The following TCTN1 variants were observed in gnomAD, a reference collection of about 807,000 sequenced individuals.
TCTN1 encodes tectonic family member 1.
A neutral mutation model predicts 65.8 loss-of-function variants in TCTN1; 58 were observed. The observed-to-expected ratio is 0.88, with a 90% CI of 0.71 to 1.10. The LOEUF (loss-of-function observed/expected upper bound fraction) is 1.10. TCTN1 is among the 50% of genes least tolerant of loss of function. The probability of loss-of-function intolerance (pLI) is 0.00; values close to 1 mark genes in which losing one functional copy is unlikely to be tolerated. For missense variants in TCTN1, 645 were observed against 719.4 expected (o/e 0.90, Z 1.18); for synonymous variants, 273 against 289.1 (o/e 0.94, Z 0.57).
Position 110,639,874 on chromosome 12 carries a change from C to T in TCTN1, c.844-509C>T, listed in dbSNP as rs989551269. ...TGGCAACCACCGATCTACTTTTCGTCTCTATGGGTTTGCCTATTTGGACAT... is the reference window on the plus strand; with the variant it reads ...TGGCAACCACCGATCTACTTTTCGTTTCTATGGGTTTGCCTATTTGGACAT... On this transcript the variant is annotated intron_variant, in intron 7 of 14. Coordinates refer to ENST00000397659, the MANE Select transcript of TCTN1 (RefSeq NM_001082538.3). The surrounding 1 kb of genome is among the most constrained non-coding windows in gnomAD (Gnocchi z 4.9). Among the ~76,000 whole-genome samples the T allele has an allele frequency of 6.6e-6, 1 of 152,190 alleles. No individual in the cohort carries two copies. The highest frequency in any genetic ancestry group is 2.4e-5 in the African/African-American group (1 of 41,440).
chr12:110,627,736 A>T (rs1424962876), intron 3 of TCTN1: 2 of 454,504 alleles, frequency 4.4e-6, no homozygotes, highest in African/African-American at 4.0e-5. Flanking sequence ...GAATATTTGC[A>T]TGAAAACAGG....
Position 110,647,335 on chromosome 12 carries a change from A to C in TCTN1, c.1634A>C (p.Glu545Ala), listed in dbSNP as rs1197249213. Residue 545 changes from glutamate to alanine, a missense_variant and splice_region_variant, in exon 13 of 15, where the codon GAG (glutamate) becomes GCG (alanine). Transcript: ENST00000397659. ...TANLISSSFP[E>A]ANSGNERTIL... ...AATCTAATTTCATCCTCCTTTCCTG[A>C]GGTAGGCCTAACCTAGTTTAAAGGC... 1 of 1,614,046 alleles carries C rather than the reference A, an allele frequency of 6.2e-7. No individual in the cohort carries two copies. The highest frequency in any genetic ancestry group is 1.3e-5 in the African/African-American group (1 of 74,924).
rs2065292249 is a variant in TCTN1 at position 110,619,843 on chromosome 12, T to G, written c.228T>G (p.Val76=). The G allele has an allele frequency of 6.2e-7, 1 of 1,614,148 alleles. No individual in the cohort carries two copies. Among genetic ancestry groups the G allele is most frequent in the Non-Finnish European group, 8.5e-7 (1 of 1,180,028 alleles). ...PRPTPVTDVA[V]LCVCDLSPAQ... ...CCCCTCTTTTTTCTGCAGTTGCTGTTCTCTGTGTCTGTGACTTATCCCCAG... is the reference window on the plus strand; with the variant it reads ...CCCCTCTTTTTTCTGCAGTTGCTGTGCTCTGTGTCTGTGACTTATCCCCAG... The change falls in exon 2 of 15, where the codon GTT becomes GTG. Residue 76 remains valine (V), a synonymous_variant. Transcript: ENST00000397659.
intron 5 of TCTN1, 36 bp downstream of exon 5, chr12:110,632,595 T>A (rs780313300): frequency 6.2e-7 from 1 of 1,606,234 alleles, no homozygotes; most frequent in South Asian, 1.1e-5. Context: ...CTTAGACATT[T>A]GCTGTTATTA....
intron 7 of TCTN1, among the ~76,000 whole-genome samples, chr12:110,637,684 AC>A (rs1565994324): frequency 1.3e-5 from 2 of 152,072 alleles, no homozygotes; most frequent in Admixed American, 1.3e-4. Context: ...CCAGTGAAGA[AC>A]CCTAGGGCTC....
At chr12:110,619,754 C>T in intron 1 of TCTN1, 82 bp from the exon 2 acceptor site, 1 of 1,602,084 alleles carries the variant, frequency 6.2e-7, no homozygotes, top group Non-Finnish European at 8.5e-7. Context: ...ATGAAATTGA[C>T]TTATGGTACA....
At chr12:110,623,437 G>A (rs1052595802) in intron 2 of TCTN1, among the ~76,000 whole-genome samples, 2 of 152,188 alleles carry the variant, frequency 1.3e-5, no homozygotes, top group Non-Finnish European at 2.9e-5. Flanking sequence ...TTACTACAGT[G>A]TTGGTGAGAA....
Position 110,640,345 on chromosome 12 carries a change from G to T in TCTN1, c.844-38G>T. On this transcript the variant is annotated intron_variant, in intron 7 of 14. Coordinates refer to ENST00000397659, the MANE Select transcript of TCTN1 (RefSeq NM_001082538.3). The surrounding 1 kb of genome is among the most constrained non-coding windows in gnomAD (Gnocchi z 4.9). ...GGTTATTTTAGCCCATCCTCCCTGG[G>T]TAGAGCATCTTCAACACTCCAGGTC... 2.5e-6 allele frequency: 4 copies of T among 1,613,828 alleles called. No individual in the cohort carries two copies. The highest frequency in any genetic ancestry group is 1.7e-6 in the Non-Finnish European group (2 of 1,179,828).
At chr12:110,641,397 A>G in intron 9 of TCTN1, 145 bp from the exon 10 acceptor site, 1 of 894,298 alleles carries the variant, frequency 1.1e-6, no homozygotes, top group Non-Finnish European at 1.8e-6. Context: ...CACCTGGCAG[A>G]TGTATTTATA....
At chr12:110,616,376 C>T (rs1291477291) in intron 1 of TCTN1, 11 of 343,126 alleles carry the variant, frequency 3.2e-5, no homozygotes, top group Middle Eastern at 7.8e-4. Flanking sequence ...CTCAGACTCC[C>T]GGGTAGCTGG....
chr12:110,645,276 CT>C, intron 12 of TCTN1, 147 bp downstream of exon 12: 1 of 1,063,250 alleles, frequency 9.4e-7, no homozygotes, highest in African/African-American at 1.6e-5. Flanking sequence ...ATTTTTGCCC[CT>C]TGTTAGCAAT....
At chr12:110,633,681 C>T (rs1565985587) in intron 5 of TCTN1, among the ~76,000 whole-genome samples, 1 of 151,704 alleles carries the variant, frequency 6.6e-6, no homozygotes, top group Non-Finnish European at 1.5e-5. Context: ...AACTCCCCCT[C>T]CCCCACAACA....
Position 110,614,213 on chromosome 12 carries a change from G to T in TCTN1, c.31G>T (p.Val11Leu). The part of the protein sequence containing the change: MRPRGLPPLL[V>L]VLLGCWASVS... ...GCCGCGAGGTCTCCCGCCGCTCCTG[G>T]TGGTGCTCCTGGGCTGCTGGGCCTC... The change falls in exon 1 of 15, where the codon GTG becomes TTG. Residue 11 changes from valine (V) to leucine (L), a missense_variant. Coordinates refer to ENST00000397659, the MANE Select transcript of TCTN1 (RefSeq NM_001082538.3). The T allele has an allele frequency of 1.3e-6, 2 of 1,582,128 alleles. No homozygotes were observed. The highest frequency in any genetic ancestry group is 1.7e-6 in the Non-Finnish European group (2 of 1,165,062).
chr12:110,647,595 C>T, intron 13 of TCTN1, 154 bp from the exon 14 acceptor site: 1 of 1,219,466 alleles, frequency 8.2e-7, no homozygotes, highest in South Asian at 1.3e-5. Context: ...AAAATTGTTT[C>T]TCTCATCCAA....
In TCTN1 at chr12:110,642,309, T is replaced by C; in HGVS notation, c.1251T>C (p.Thr417=). Reference sequence around the variant, plus strand: ...AGCTTACTATTCTTCATAGCACAACTGAGCAAGACTGCTTAGCACTGGAGG... The same window carrying C: ...AGCTTACTATTCTTCATAGCACAACCGAGCAAGACTGCTTAGCACTGGAGG... ...YGQLTILHST[T]EQDCLALEGV... is the part of the protein sequence containing the mutation. The change falls in exon 11 of 15, where the codon ACT becomes ACC. Residue 417 remains threonine, a synonymous_variant. Transcript: ENST00000397659. 1.9e-6 allele frequency: 3 copies of C among 1,614,208 alleles called. No homozygotes were observed. The South Asian group carries it at 3.3e-5, about 18-fold the overall frequency.
chr12:110,640,483 G>T lies in TCTN1; in HGVS notation c.944G>T (p.Gly315Val). ...DVLQPTLVNA[G>V]HFSLCVNVVL... is the part of the protein sequence containing the mutation. Reference sequence around the variant, plus strand: ...CTGCAGCCGACTCTCGTCAACGCTGGACACTTTAGCCTTTGCGTGAATGTT... The same window carrying T: ...CTGCAGCCGACTCTCGTCAACGCTGTACACTTTAGCCTTTGCGTGAATGTT... The change falls in exon 8 of 15, where the codon GGA becomes GTA. Residue 315 changes from glycine (G) to valine (V), a missense_variant. Coordinates refer to ENST00000397659, the MANE Select transcript of TCTN1 (RefSeq NM_001082538.3). This position sits in a 1 kb window ranked among gnomAD's most constrained non-coding sequence, Gnocchi z 4.9. 6.2e-7 allele frequency: 1 copy of T among 1,614,232 alleles called. No individual in the cohort carries two copies. The highest frequency in any genetic ancestry group is 8.5e-7 in the Non-Finnish European group (1 of 1,180,052).
intron 3 of TCTN1, among the ~76,000 whole-genome samples, 189 bp downstream of exon 3, chr12:110,626,681 G>A (rs1472377850): frequency 1.3e-5 from 2 of 151,108 alleles, no homozygotes; most frequent in East Asian, 3.9e-4. Flanking sequence ...CCAGATTCAA[G>A]TGATTCTCCT....
chr12:110,643,866 CTCCCTTTGTT>C (rs947997232), intron 11 of TCTN1: 1 of 152,104 alleles, frequency 6.6e-6, no homozygotes, highest in African/African-American at 2.4e-5. Context: ...GAGACAGGGT[CTCCCTTTGTT>C]TCCCAGGCTG....
intron 1 of TCTN1, 162 bp downstream of exon 1, chr12:110,614,564 A>G: frequency 7.1e-7 from 1 of 1,402,026 alleles, no homozygotes; most frequent in South Asian, 1.2e-5. Flanking sequence ...AATAACCCTG[A>G]GAAGTAGCTG....
Sources: allele counts gnomAD v4.1 joint callset (sites outside exome capture counted in the v4.1 genomes callset), GRCh38; gene constraint gnomAD v4.1.1; non-coding constraint Gnocchi (gnomAD v3.1); transcripts MANE v1.5; gene names NCBI Gene and HGNC (gene_info 2026-07-23, HGNC 2026-07-21).